RFX7: variants seen among roughly 807,000 people sequenced by gnomAD.
RFX7 encodes the protein regulatory factor X7.
A neutral mutation model predicts 111.8 loss-of-function variants in RFX7; 26 were observed. That is an observed-to-expected ratio of 0.23 (90% CI 0.17 to 0.32). The LOEUF is 0.32. Among genes scored for constraint, RFX7 ranks in the 10% least tolerant of loss-of-function variants. The pLI is 1.00. For synonymous variants in RFX7, 624 were observed against 624.4 expected (o/e 1.00, Z 0.01); for missense variants, 1,573 against 1,772.9 (o/e 0.89, Z 2.02).
chr15:56,095,914 C>A lies in RFX7; in HGVS notation c.1814G>T (p.Arg605Leu). 1 of 1,605,488 alleles carries A rather than the reference C, an allele frequency of 6.2e-7. No homozygotes were observed. Among genetic ancestry groups the A allele is most frequent in the Non-Finnish European group, 8.5e-7 (1 of 1,179,794 alleles). Residue 605 changes from arginine to leucine, a missense_variant, in exon 10 of 10, where the codon CGC (arginine) becomes CTC (leucine). Around this residue, in one of 7 missense-constraint regions of RFX7, gnomAD observed 625 missense variants for 632.2 expected, o/e 0.99. Coordinates refer to ENST00000559447, the MANE Select transcript of RFX7 (RefSeq NM_022841.7). ...CGTGCCTGGCAGCATTTCATTACAGCGACTTTTACATTTGGTCCTCTGGTC... is the reference window on the plus strand; with the variant it reads ...CGTGCCTGGCAGCATTTCATTACAGAGACTTTTACATTTGGTCCTCTGGTC... ...VCDQRTKCKSRCNEMLPGTST... is the reference protein window; with the variant it reads ...VCDQRTKCKSLCNEMLPGTST...
intron 3 of RFX7, among the ~76,000 whole-genome samples, chr15:56,145,629 T>C (rs1283554818): frequency 2.0e-5 from 3 of 152,214 alleles, no homozygotes; most frequent in African/African-American, 7.2e-5. Context: ...CACATTCTCT[T>C]CTTAATTGCT....
At chr15:56,221,648 A>G (rs550128385) in intron 2 of RFX7, among the ~76,000 whole-genome samples, 3 of 151,994 alleles carry the variant, frequency 2.0e-5, no homozygotes, top group East Asian at 3.9e-4. Context: ...TATTCATCTG[A>G]TATTTTTTAG....
chr15:56,123,094 C>T (rs1567016979), intron 5 of RFX7, among the ~76,000 whole-genome samples: 1 of 152,160 alleles, frequency 6.6e-6, no homozygotes, highest in Admixed American at 6.5e-5. Context: ...ACAAAATCCC[C>T]TTTATTCTTC....
At position 56,090,354 on chromosome 15, in the gene RFX7, A is replaced by G; in HGVS notation, c.*2991T>C. On this transcript the variant is annotated 3_prime_UTR_variant, in exon 10 of 10. Coordinates refer to ENST00000559447, the MANE Select transcript of RFX7 (RefSeq NM_022841.7). ...ACAACAGAGTTTTGATGAATGAACT[A>G]AGATCTGTGTATTCTTCTGGATTAA... The G allele has an allele frequency of 6.6e-6, 1 of 152,214 alleles. No homozygotes were observed. The highest frequency in any genetic ancestry group is 1.5e-5 in the Non-Finnish European group (1 of 68,030). The allele number at this position is 152,214 out of a possible 1,614,324, so 9.4% of individuals were successfully genotyped here. A position where few individuals can be genotyped will look rare whatever the true frequency, so the allele number is the denominator to read the frequency against.
intron 2 of RFX7, among the ~76,000 whole-genome samples, chr15:56,214,714 CAA>C (rs527416979): frequency 4.7e-4 from 41 of 86,906 alleles, no homozygotes; most frequent in Non-Finnish European, 5.1e-4. Context: ...GACTCTGTCT[CAA>C]AAAAAAAAAA....
In RFX7 at chr15:56,206,482, T is replaced by C. The variant is rs961789730; in HGVS notation, c.162-27179A>G. Among the ~76,000 whole-genome samples, 7 of 152,234 alleles carry C rather than the reference T, an allele frequency of 4.6e-5. No homozygotes were observed. The East Asian group carries it at 9.7e-4, about 21-fold the overall frequency. On this transcript the variant is annotated intron_variant, in intron 2 of 9. Transcript: ENST00000559447. ...AACTAAAAATAGAGATTCCATATTA[T>C]CCAGCAATCCCACTGCTAGCTATAT...
chr15:56,180,625 G>A (rs2042959152), intron 2 of RFX7, among the ~76,000 whole-genome samples: 1 of 151,982 alleles, frequency 6.6e-6, no homozygotes, highest in South Asian at 2.1e-4. Flanking sequence ...GTCATTACTG[G>A]CCAGGCGTGG....
At chr15:56,110,044 A>G (rs28610497) in intron 5 of RFX7, among the ~76,000 whole-genome samples, 102,662 of 106,810 alleles carry the variant, frequency 0.96, 49,511 homozygotes, top group South Asian at 0.99. Context: ...CTACTGGAAA[A>G]TGAGGAGCCC....
chr15:56,102,090 T>A, intron 7 of RFX7, 79 bp downstream of exon 7: 2 of 1,045,896 alleles, frequency 1.9e-6, no homozygotes, highest in Non-Finnish European at 2.8e-6. Context: ...CTTAACCAAA[T>A]GAGACTTTGC....
chr15:56,236,392 C>T (rs2043624016), intron 2 of RFX7, among the ~76,000 whole-genome samples: 2 of 152,080 alleles, frequency 1.3e-5, no homozygotes, highest in South Asian at 4.2e-4. Context: ...AAGATTCTTC[C>T]TCCTATTGGC....
intron 5 of RFX7, among the ~76,000 whole-genome samples, chr15:56,115,171 A>G (rs1252335462): frequency 2.6e-5 from 4 of 151,896 alleles, no homozygotes; most frequent in African/African-American, 9.7e-5. Flanking sequence ...CACCATGCCC[A>G]GCTTAATTTT....
At chr15:56,122,234 A>G (rs756114654) in intron 5 of RFX7, among the ~76,000 whole-genome samples, 20 of 152,158 alleles carry the variant, frequency 1.3e-4, no homozygotes, top group Non-Finnish European at 2.4e-4. Context: ...AGATAACTGC[A>G]TTTGGGGGCA....
chr15:56,242,911 G>A (rs1334298042), intron 2 of RFX7, among the ~76,000 whole-genome samples: 1 of 152,126 alleles, frequency 6.6e-6, no homozygotes, highest in South Asian at 2.1e-4. Flanking sequence ...TTGAGGAAGG[G>A]GTAAAAGCAT....
At position 56,243,446 on chromosome 15, in the gene RFX7, C is replaced by G. The variant is rs2043740585; in HGVS notation, c.-4G>C. ...AAGCTGGATAAGCTAGGCCTTTACC[C>G]CAGGGCTCGAGTGAGTCGCTTTCGC... On this transcript the variant is annotated splice_region_variant and 5_prime_UTR_variant, in exon 1 of 10. Coordinates refer to ENST00000559447, the MANE Select transcript of RFX7 (RefSeq NM_022841.7). 1.0e-6 allele frequency: 1 copy of G among 984,138 alleles called. No homozygotes were observed. The highest frequency in any genetic ancestry group is 1.2e-4 in the East Asian group (1 of 8,680). The allele number at this position is 984,138 out of a possible 1,614,324, so 61.0% of individuals were successfully genotyped here. A position where few individuals can be genotyped will look rare whatever the true frequency, so the allele number is the denominator to read the frequency against.
At chr15:56,127,574 G>A (rs796926858) in intron 5 of RFX7, among the ~76,000 whole-genome samples, 21 of 146,800 alleles carry the variant, frequency 1.4e-4, no homozygotes, top group African/African-American at 4.8e-4. Context: ...TTGAGACGGA[G>A]TTTCGCTCTG....
In RFX7 at chr15:56,227,402, C is replaced by T. The variant is rs78465474; in HGVS notation, c.161+15723G>A. On this transcript the variant is annotated intron_variant, in intron 2 of 9. Transcript: ENST00000559447. ...GAATTGATATGGACCATATCTTTAA[C>T]TTTTTACTATTCATTGACCATGTTG... Among the ~76,000 whole-genome samples the T allele has an allele frequency of 3.8e-3, 586 of 152,242 alleles. 9 individuals are homozygous for T. Among genetic ancestry groups the T allele is most frequent in the African/African-American group, 0.014 (567 of 41,542 alleles).
At chr15:56,134,180 A>T (rs1401395394) in intron 5 of RFX7, among the ~76,000 whole-genome samples, 2 of 152,114 alleles carry the variant, frequency 1.3e-5, no homozygotes, top group African/African-American at 4.8e-5. Flanking sequence ...GCCCCTCACT[A>T]GTTTTGTCAC....
intron 3 of RFX7, among the ~76,000 whole-genome samples, chr15:56,171,596 A>C (rs893757811): frequency 9.2e-5 from 14 of 152,288 alleles, no homozygotes; most frequent in African/African-American, 3.4e-4. Flanking sequence ...CAAAAAACCC[A>C]TGGCACTGCT....
At chr15:56,110,108 G>A (rs1398669853) in intron 5 of RFX7, among the ~76,000 whole-genome samples, 19 of 131,842 alleles carry the variant, frequency 1.4e-4, no homozygotes, top group African/African-American at 1.5e-4. Context: ...TCAGCCCCCC[G>A]CCCGGCCAGC....
Sources: allele counts gnomAD v4.1 joint callset (sites outside exome capture counted in the v4.1 genomes callset), GRCh38; gene constraint gnomAD v4.1.1; regional missense constraint gnomAD v4.1.1; transcripts MANE v1.5; gene names NCBI Gene and HGNC (gene_info 2026-07-23, HGNC 2026-07-21).